The following NELL1 variants were observed in gnomAD, a reference collection of about 807,000 sequenced individuals.
The protein encoded by NELL1 is protein kinase C-binding protein NELL1.
NELL1 carries 76 observed loss-of-function variants against 107.4 expected under a neutral mutation model. That is an observed-to-expected ratio of 0.71 (90% CI 0.59 to 0.86). The LOEUF (loss-of-function observed/expected upper bound fraction) is 0.86. NELL1 is among the 40% of genes least tolerant of loss of function. The pLI is 0.00. For synonymous variants in NELL1, 353 were observed against 341.2 expected (o/e 1.03, Z -0.38); for missense variants, 1,024 against 1,005.5 (o/e 1.02, Z -0.25).
intron 14 of NELL1, among the ~76,000 whole-genome samples, chr11:21,338,899 G>A (rs933356858): frequency 6.6e-6 from 1 of 152,112 alleles, no homozygotes; most frequent in African/African-American, 2.4e-5. Flanking sequence ...AAACATTTGT[G>A]TGTATTTGGT....
chr11:20,919,107 C>T (rs1460754864), intron 6 of NELL1, 145 bp from the exon 7 acceptor site: 11 of 428,670 alleles, frequency 2.6e-5, no homozygotes, highest in Non-Finnish European at 3.7e-5. Flanking sequence ...CTGAAATCCT[C>T]TGTGATTTCA....
At chr11:21,376,487 C>T (rs1188617338) in intron 15 of NELL1, among the ~76,000 whole-genome samples, 1 of 151,990 alleles carries the variant, frequency 6.6e-6, no homozygotes, top group Admixed American at 6.6e-5. Context: ...TGTGTGATGC[C>T]TCTAGCTTTG....
chr11:21,338,059 T>C (rs1454152239), intron 14 of NELL1, among the ~76,000 whole-genome samples: 2 of 152,052 alleles, frequency 1.3e-5, no homozygotes, highest in Non-Finnish European at 2.9e-5. Context: ...AGGTTGTTTC[T>C]AAGTTGAGCA....
intron 2 of NELL1, among the ~76,000 whole-genome samples, chr11:20,723,612 G>A (rs1855442581): frequency 6.6e-6 from 1 of 152,136 alleles, no homozygotes; most frequent in South Asian, 2.1e-4. Context: ...TTGGTGTTGA[G>A]TGCCTGTGGC....
At chr11:20,892,256 T>C (rs1311621595) in intron 5 of NELL1, among the ~76,000 whole-genome samples, 1 of 152,208 alleles carries the variant, frequency 6.6e-6, no homozygotes, top group Non-Finnish European at 1.5e-5. Flanking sequence ...AATGTGCTCC[T>C]GAATTACTCC....
intron 9 of NELL1, among the ~76,000 whole-genome samples, chr11:20,936,061 G>A (rs1014578811): frequency 6.6e-6 from 1 of 152,150 alleles, no homozygotes; most frequent in Non-Finnish European, 1.5e-5. Flanking sequence ...AGTGCTCTCA[G>A]GATCAATTCT....
intron 12 of NELL1, among the ~76,000 whole-genome samples, chr11:21,037,966 A>G (rs542230195): frequency 3.9e-5 from 6 of 152,240 alleles, no homozygotes; most frequent in African/African-American, 1.4e-4. Context: ...GCATGAAGAG[A>G]GATGTTTGTT....
chr11:21,423,284 C>T (rs1002944943), intron 15 of NELL1, among the ~76,000 whole-genome samples: 5 of 151,912 alleles, frequency 3.3e-5, no homozygotes, highest in African/African-American at 7.3e-5. Context: ...GCAGGAGAAT[C>T]GCTTGAACCC....
chr11:20,730,176 T>C (rs1035830193), intron 2 of NELL1, among the ~76,000 whole-genome samples: 3 of 152,134 alleles, frequency 2.0e-5, no homozygotes, highest in Admixed American at 6.6e-5. Flanking sequence ...CTTTAAGATA[T>C]GAAAGTATAG....
chr11:21,101,362 G>A (rs894678158), intron 12 of NELL1, among the ~76,000 whole-genome samples: 2 of 152,112 alleles, frequency 1.3e-5, no homozygotes, highest in African/African-American at 2.4e-5. Flanking sequence ...CCAGTAATGG[G>A]ATGGCTGGGT....
At chr11:21,145,829 A>C (rs569243450) in intron 13 of NELL1, among the ~76,000 whole-genome samples, 48 of 152,320 alleles carry the variant, frequency 3.2e-4, no homozygotes, top group Non-Finnish European at 4.0e-4. Flanking sequence ...TTTGTATTCC[A>C]ACATTAAATG....
At chr11:20,692,050 A>G (rs1409023321) in intron 2 of NELL1, among the ~76,000 whole-genome samples, 2 of 151,836 alleles carry the variant, frequency 1.3e-5, no homozygotes, top group Non-Finnish European at 2.9e-5. Context: ...CATTTCTTCT[A>G]GATTTTCTAG....
chr11:21,335,994 T>C (rs1362807138), intron 14 of NELL1, among the ~76,000 whole-genome samples: 1 of 152,098 alleles, frequency 6.6e-6, no homozygotes, highest in African/African-American at 2.4e-5. Context: ...TCATGCGAAA[T>C]CAACAATGGA....
At chr11:21,138,596 T>C (rs1855795960) in intron 13 of NELL1, among the ~76,000 whole-genome samples, 3 of 152,226 alleles carry the variant, frequency 2.0e-5, no homozygotes, top group South Asian at 2.1e-4. Context: ...TGAAGGCTTC[T>C]TGGGTCATGC....
intron 11 of NELL1, among the ~76,000 whole-genome samples, chr11:20,957,773 G>A (rs1319537810): frequency 6.6e-6 from 1 of 152,046 alleles, no homozygotes; most frequent in Non-Finnish European, 1.5e-5. Context: ...AATGATGTGG[G>A]TGACTGAAAG....
At chr11:21,009,796 T>G (rs890109863) in intron 12 of NELL1, among the ~76,000 whole-genome samples, 4 of 151,846 alleles carry the variant, frequency 2.6e-5, no homozygotes, top group Non-Finnish European at 5.9e-5. Context: ...AAGGAAAAAA[T>G]GGTCAGAAGC....
chr11:21,409,524 A>G (rs1176346101), intron 15 of NELL1, among the ~76,000 whole-genome samples: 2 of 152,034 alleles, frequency 1.3e-5, no homozygotes, highest in East Asian at 1.9e-4. Context: ...TGGCACATGT[A>G]TACATATGTA....
intron 2 of NELL1, among the ~76,000 whole-genome samples, chr11:20,734,791 T>A (rs1855722770): frequency 6.6e-6 from 1 of 152,158 alleles, no homozygotes; most frequent in Non-Finnish European, 1.5e-5. Context: ...GTGTGATATT[T>A]GAGGCCAAGG....
At chr11:21,425,378 C>T (rs1029488052) in intron 15 of NELL1, among the ~76,000 whole-genome samples, 1 of 152,126 alleles carries the variant, frequency 6.6e-6, no homozygotes, top group Non-Finnish European at 1.5e-5. Flanking sequence ...GTCCTCAAAC[C>T]TGTGACTATA....
Sources: gnomAD v4.1 joint callset for allele counts (sites outside exome capture counted in the v4.1 genomes callset) on GRCh38, gnomAD v4.1.1 for gene constraint, MANE v1.5 for transcripts, NCBI Gene and HGNC (gene_info 2026-07-23, HGNC 2026-07-21) for gene names.